The following EBF4 variants were observed in gnomAD, a reference collection of about 807,000 sequenced individuals.
EBF4 encodes the protein EBF transcription factor 4.
In EBF4, 34 loss-of-function variants were observed where a neutral mutation model predicts 67.1. That is an observed-to-expected ratio of 0.51 (90% confidence interval 0.39 to 0.67). The LOEUF is 0.67. Ranked by LOEUF, EBF4 falls within the 30% of genes least tolerant of loss-of-function variation. The pLI is 0.00. For synonymous variants in EBF4, 387 were observed against 377.7 expected, an observed-to-expected ratio of 1.02 and a Z score of -0.29; for missense variants, 837 against 873.3, an observed-to-expected ratio of 0.96 and a Z score of 0.52.
At chr20:2,721,518 G>A (rs1335819725) in intron 6 of EBF4, among the ~76,000 whole-genome samples, 5 of 151,792 alleles carry the variant, frequency 3.3e-5, no homozygotes, top group African/African-American at 1.2e-4. Context: ...GCAGTGGCAC[G>A]ATCTCGGCTC....
intron 6 of EBF4, among the ~76,000 whole-genome samples, chr20:2,724,923 T>G (rs777208308): frequency 1.3e-5 from 2 of 152,108 alleles, no homozygotes; most frequent in Non-Finnish European, 2.9e-5. Context: ...AAAGAAAAGT[T>G]CAGCATAATT....
chr20:2,734,801 A>G (rs7267990), intron 6 of EBF4, among the ~76,000 whole-genome samples: 3,853 of 152,282 alleles, frequency 0.025, 90 homozygotes, highest in Middle Eastern at 0.071. Flanking sequence ...AAGGTTCTGT[A>G]TGTGTGTTAA....
chr20:2,693,453 G>A, upstream of EBF4: 3 of 520,528 alleles, frequency 5.8e-6, no homozygotes, highest in Non-Finnish European at 5.9e-6. This position sits in a 1 kb window ranked among gnomAD's most constrained non-coding sequence, Gnocchi z 4.6. Flanking sequence ...GGAGGGGAGG[G>A]GACAGCGCCG....
rs544903081 is a variant in EBF4 at position 2,747,176 on chromosome 20, C to A, written c.558-1373C>A. Among the ~76,000 whole-genome samples the A allele has an allele frequency of 6.6e-6, 1 of 152,192 alleles. No individual in the cohort carries two copies. The highest frequency in any genetic ancestry group is 1.5e-5 in the Non-Finnish European group (1 of 68,008). ...GCGTGGTGGCAGGCCCCTGTGATCC[C>A]CCTGTAATCCCCTGTAACTCGGGAA... On this transcript the variant is annotated intron_variant, in intron 6 of 16. Transcript: ENST00000609451. The surrounding 1 kb of genome is among the most constrained non-coding windows in gnomAD (Gnocchi z 4.6).
intron 6 of EBF4, among the ~76,000 whole-genome samples, chr20:2,746,859 GC>G (rs944930190): frequency 6.6e-6 from 1 of 152,146 alleles, no homozygotes; most frequent in African/African-American, 2.4e-5. Context: ...TCATACAGTG[GC>G]CCAGGAGGCT....
chr20:2,759,436 C>A, downstream of EBF4: 1 of 214,396 alleles, frequency 4.7e-6, no homozygotes, highest in Non-Finnish European at 9.5e-6. Context: ...CCGCTAGCAG[C>A]CCCACAGGCT....
rs1195530210 is a variant in EBF4 at position 2,755,665 on chromosome 20, A to G, written c.1579A>G (p.Met527Val). 1 of 1,245,952 alleles carries G rather than the reference A, an allele frequency of 8.0e-7. No homozygotes were observed. The highest frequency in any genetic ancestry group is 2.0e-5 in the African/African-American group (1 of 49,942). 77.2% of individuals were successfully genotyped at this position (1,245,952 alleles called of 1,614,324 possible). Residue 527 changes from methionine (M) to valine (V), a missense_variant, in exon 15 of 17, where the codon ATG becomes GTG. Met to Val is a conservative substitution (Grantham distance 21). Transcript: ENST00000609451. This position sits in a 1 kb window ranked among gnomAD's most constrained non-coding sequence, Gnocchi z 4.7. Reference sequence around the variant, plus strand: ...CCCCCCGCTGGCGGCTGCCTCCTCCATGTCCCTCCCGGCCGCTGCCCCCAC... The same window carrying G: ...CCCCCCGCTGGCGGCTGCCTCCTCCGTGTCCCTCCCGGCCGCTGCCCCCAC...
intron 6 of EBF4, among the ~76,000 whole-genome samples, chr20:2,729,348 T>C (rs1338850972): frequency 2.6e-5 from 4 of 152,158 alleles, no homozygotes; most frequent in African/African-American, 9.7e-5. Flanking sequence ...ATCCGGTTCT[T>C]AAAGCCACCC....
At chr20:2,698,985 T>A (rs1187426950) in intron 1 of EBF4, among the ~76,000 whole-genome samples, 1 of 152,084 alleles carries the variant, frequency 6.6e-6, no homozygotes, top group African/African-American at 2.4e-5. Context: ...ATAACAAGCA[T>A]GCAGTCAAGG....
intron 6 of EBF4, among the ~76,000 whole-genome samples, chr20:2,726,580 C>A (rs1333009554): frequency 6.9e-5 from 10 of 144,550 alleles, no homozygotes; most frequent in African/African-American, 1.3e-4. Context: ...GACCCTGTCT[C>A]AAAAAAAAAA....
Position 2,755,685 on chromosome 20 carries a change from C to T in EBF4, c.1599C>T (p.Ala533=), listed in dbSNP as rs971392457. 2.6e-5 allele frequency: 41 copies of T among 1,550,330 alleles called. No individual in the cohort carries two copies. The African/African-American group carries it at 2.7e-4, about 10-fold the overall frequency. ...CCTCCATGTCCCTCCCGGCCGCTGC[C>T]CCCACCACCAGCGTGTTCTCCTTCT... The change falls in exon 15 of 17, where the codon GCC becomes GCT. Residue 533 remains alanine (A), a synonymous_variant. Coordinates refer to ENST00000609451, the Ensembl canonical transcript of EBF4. The surrounding 1 kb of genome is among the most constrained non-coding windows in gnomAD (Gnocchi z 4.7).
chr20:2,727,561 C>A (rs899438940), intron 6 of EBF4, among the ~76,000 whole-genome samples: 4 of 152,174 alleles, frequency 2.6e-5, no homozygotes, highest in Non-Finnish European at 5.9e-5. Flanking sequence ...CAGTTCAAAC[C>A]TGTGTTTTTC....
At chr20:2,731,579 G>A (rs568353241) in intron 6 of EBF4, among the ~76,000 whole-genome samples, 9 of 152,316 alleles carry the variant, frequency 5.9e-5, no homozygotes, top group Admixed American at 3.9e-4. Flanking sequence ...GTAAGACTCA[G>A]AGGGTTCTAT....
chr20:2,711,125 G>A (rs1024389411), intron 6 of EBF4, among the ~76,000 whole-genome samples: 2 of 150,732 alleles, frequency 1.3e-5, no homozygotes, highest in Admixed American at 1.3e-4. Flanking sequence ...TCCAGTCTGG[G>A]CAACAGAGTG....
chr20:2,748,760 G>T (rs1271752800), intron 7 of EBF4, 130 bp downstream of exon 7: 4 of 1,067,620 alleles, frequency 3.7e-6, no homozygotes, highest in Admixed American at 2.5e-5. Flanking sequence ...GCCCAGCCCT[G>T]TGCCTCCCCA....
At chr20:2,698,886 TG>T (rs1444575790) in intron 1 of EBF4, among the ~76,000 whole-genome samples, 1 of 152,104 alleles carries the variant, frequency 6.6e-6, no homozygotes, top group Non-Finnish European at 1.5e-5. Flanking sequence ...GCAAGACGCC[TG>T]GGGGTGCCTC....
chr20:2,743,259 G>A (rs575578370), intron 6 of EBF4, among the ~76,000 whole-genome samples: 3 of 152,308 alleles, frequency 2.0e-5, no homozygotes, highest in South Asian at 2.1e-4. Context: ...CGGTGTGTCT[G>A]TCTCCCCCTG....
At chr20:2,744,164 T>C (rs1156236811) in intron 6 of EBF4, among the ~76,000 whole-genome samples, 1 of 151,234 alleles carries the variant, frequency 6.6e-6, no homozygotes, top group Non-Finnish European at 1.5e-5. Context: ...CACTGCAACC[T>C]CCGCCTCCCG....
At chr20:2,733,367 T>C (rs2087839647) in intron 6 of EBF4, among the ~76,000 whole-genome samples, 1 of 152,222 alleles carries the variant, frequency 6.6e-6, no homozygotes, top group Admixed American at 6.5e-5. Context: ...AGTTTGAGTA[T>C]GATGTGTCTT....
Sources: gnomAD v4.1 joint callset for allele counts (sites outside exome capture counted in the v4.1 genomes callset) on GRCh38, gnomAD v4.1.1 for gene constraint, Gnocchi (gnomAD v3.1) non-coding constraint, MANE v1.5 for transcripts, NCBI Gene and HGNC (gene_info 2026-07-23, HGNC 2026-07-21) for gene names.